TEK: variants seen among roughly 807,000 people sequenced by gnomAD.
TEK encodes angiopoietin-1 receptor.
In TEK, 43 loss-of-function variants were observed where a neutral mutation model predicts 131.8. That is an observed-to-expected ratio of 0.33 (90% CI 0.26 to 0.42). The LOEUF is 0.42. TEK is among the 10% of genes least tolerant of loss of function. The pLI, the probability that TEK is intolerant of heterozygous loss-of-function variation, is 1.00. For synonymous variants in TEK, 580 were observed against 491.6 expected, an observed-to-expected ratio of 1.18 and a Z score of -2.38; for missense variants, 1,162 against 1,384.4, an observed-to-expected ratio of 0.84 and a Z score of 2.55.
chr9:27,217,899 A>G, intron 19 of TEK, 141 bp downstream of exon 19: 1 of 796,756 alleles, frequency 1.3e-6, no homozygotes, highest in South Asian at 1.5e-5. Context: ...ATAAATTAGC[A>G]GAATAAAGCC....
chr9:27,226,753 CT>C (rs1185929278), intron 21 of TEK, among the ~76,000 whole-genome samples: 2 of 152,068 alleles, frequency 1.3e-5, no homozygotes, highest in African/African-American at 4.8e-5. Context: ...ATTTTCTTGC[CT>C]AGAACCTTGC....
intron 1 of TEK, among the ~76,000 whole-genome samples, chr9:27,136,132 A>C (rs1417100892): frequency 7.0e-6 from 1 of 142,148 alleles, no homozygotes; most frequent in African/African-American, 2.6e-5. Flanking sequence ...CTCAGGTTGG[A>C]GTGCAGTGGC....
chr9:27,158,580 A>AT (rs2131121225), intron 2 of TEK, among the ~76,000 whole-genome samples: 1 of 152,304 alleles, frequency 6.6e-6, no homozygotes, highest in Admixed American at 6.5e-5. Flanking sequence ...AGAAAATTAA[A>AT]TATAAATAAG....
intron 18 of TEK, among the ~76,000 whole-genome samples, chr9:27,216,620 C>T (rs756105821): frequency 3.3e-5 from 5 of 152,142 alleles, no homozygotes; most frequent in Non-Finnish European, 5.9e-5. Context: ...CCTAAAAGTA[C>T]AAAATTACCA....
chr9:27,170,149 A>T (rs1043341970), intron 4 of TEK, among the ~76,000 whole-genome samples: 1 of 151,984 alleles, frequency 6.6e-6, no homozygotes. Context: ...ATCAAATCTC[A>T]TGAGAACTCA....
chr9:27,190,751 C>G, intron 10 of TEK, 61 bp downstream of exon 10: 2 of 1,602,348 alleles, frequency 1.2e-6, no homozygotes, highest in Non-Finnish European at 1.7e-6. Context: ...TTATTTTTCT[C>G]CAAATCTAGA....
chr9:27,166,608 G>T (rs1370144532), intron 2 of TEK, among the ~76,000 whole-genome samples: 1 of 152,002 alleles, frequency 6.6e-6, no homozygotes, highest in Non-Finnish European at 1.5e-5. Context: ...CTAATTTTTA[G>T]CTTTATAATA....
intron 1 of TEK, 49 bp downstream of exon 1, chr9:27,109,691 T>G (rs1386627732): frequency 6.3e-7 from 1 of 1,595,950 alleles, no homozygotes; most frequent in East Asian, 2.2e-5. Context: ...AAAAACAGAG[T>G]TAGTGATTTC....
At chr9:27,228,041 T>C (rs768241356) in intron 21 of TEK, among the ~76,000 whole-genome samples, 165 bp from the exon 22 acceptor site, 9 of 152,138 alleles carry the variant, frequency 5.9e-5, no homozygotes, top group Non-Finnish European at 1.3e-4. Context: ...GAAATGAGAC[T>C]GGCTTAGGGA....
rs143681550 is a variant in TEK, at chr9:27,114,075, C to G, written c.52+4433C>G. Among the ~76,000 whole-genome samples, 998 of 152,340 alleles carry G rather than the reference C, an allele frequency of 6.6e-3. 5 individuals carry two copies. Among genetic ancestry groups the G allele is most frequent in the Non-Finnish European group, 9.7e-3 (658 of 68,036 alleles). ...GCAGATTGTGTCTTTGAGCTTTGGG[C>G]AGCCAGATTTAGCCCAATTAGCCTC... On this transcript the variant is annotated intron_variant, in intron 1 of 22. Coordinates refer to ENST00000380036, the MANE Select transcript of TEK (RefSeq NM_000459.5).
At chr9:27,134,286 C>A (rs556752570) in intron 1 of TEK, among the ~76,000 whole-genome samples, 1 of 152,282 alleles carries the variant, frequency 6.6e-6, no homozygotes, top group South Asian at 2.1e-4. Flanking sequence ...AACATCAGCT[C>A]ATTTACTCTG....
intron 6 of TEK, among the ~76,000 whole-genome samples, chr9:27,176,940 T>C (rs916955079): frequency 6.6e-6 from 1 of 152,244 alleles, no homozygotes; most frequent in Non-Finnish European, 1.5e-5. Context: ...TCTTACAGTA[T>C]TGGTCTTTAT....
At chr9:27,192,288 A>T (rs986116674) in intron 10 of TEK, among the ~76,000 whole-genome samples, 1 of 152,184 alleles carries the variant, frequency 6.6e-6, no homozygotes, top group African/African-American at 2.4e-5. Context: ...TAATGTGTAC[A>T]TTGTAACCTG....
At chr9:27,152,949 A>T in intron 1 of TEK, among the ~76,000 whole-genome samples, 1 of 152,218 alleles carries the variant, frequency 6.6e-6, no homozygotes, top group East Asian at 1.9e-4. Context: ...CAACATTTTG[A>T]GTTCACCATA....
intron 1 of TEK, among the ~76,000 whole-genome samples, chr9:27,126,175 C>T (rs1821981120): frequency 6.6e-6 from 1 of 152,148 alleles, no homozygotes; most frequent in East Asian, 1.9e-4. Context: ...ATTTGGTCTC[C>T]GTGGCTGATT....
At chr9:27,227,414 A>C (rs1176494893) in intron 21 of TEK, among the ~76,000 whole-genome samples, 1 of 152,204 alleles carries the variant, frequency 6.6e-6, no homozygotes, top group Non-Finnish European at 1.5e-5. Flanking sequence ...CTTTGTGTTA[A>C]ACCTGTTGTC....
At chr9:27,227,066 GAGA>G (rs762227435) in intron 21 of TEK, among the ~76,000 whole-genome samples, 9 of 152,256 alleles carry the variant, frequency 5.9e-5, no homozygotes, top group Non-Finnish European at 1.2e-4. Flanking sequence ...CATAAGGGGT[GAGA>G]AGATTTTTTA....
chr9:27,212,798 T>G lies in TEK; in HGVS notation c.2778T>G (p.Phe926Leu). The stretch of plus-strand genomic sequence containing the variant: ...GTGTGCTGGAGACGGACCCAGCATT[T>G]GCCATTGCCAATAGCACCGCGTCCA... ...KSRVLETDPA[F>L]AIANSTASTL... Residue 926 changes from phenylalanine to leucine, a missense_variant, in exon 17 of 23, where the codon TTT becomes TTG. Transcript: ENST00000380036. The G allele has an allele frequency of 6.2e-7, 1 of 1,614,092 alleles. No homozygotes were observed.
chr9:27,129,319 T>C (rs768446714), intron 1 of TEK, among the ~76,000 whole-genome samples: 4 of 152,214 alleles, frequency 2.6e-5, no homozygotes, highest in Admixed American at 6.5e-5. Flanking sequence ...TGATTTGTGC[T>C]GTACAGTGTG....
Sources: allele counts gnomAD v4.1 joint callset (sites outside exome capture counted in the v4.1 genomes callset), GRCh38; gene constraint gnomAD v4.1.1; transcripts MANE v1.5; gene names NCBI Gene and HGNC (gene_info 2026-07-23, HGNC 2026-07-21).